HS3ST5: variants seen among roughly 807,000 people sequenced by gnomAD.
HS3ST5 encodes heparan sulfate-glucosamine 3-sulfotransferase 5.
A neutral mutation model predicts 25.4 loss-of-function variants in HS3ST5; 10 were observed. That is an observed-to-expected ratio of 0.39 (90% CI 0.24 to 0.67). The LOEUF (loss-of-function observed/expected upper bound fraction) is 0.67, where lower values mean the gene tolerates loss of function less well. HS3ST5 is among the 30% of genes least tolerant of loss of function. The pLI is 0.44. For synonymous variants in HS3ST5, 170 were observed against 162.4 expected (o/e 1.05, Z -0.36); for missense variants, 324 against 420.7 (o/e 0.77, Z 2.01).
intron 2 of HS3ST5, among the ~76,000 whole-genome samples, chr6:114,189,114 A>G (rs1780369496): frequency 6.6e-6 from 1 of 152,092 alleles, no homozygotes; most frequent in Non-Finnish European, 1.5e-5. Context: ...AAATTTTCTG[A>G]ATCTTATGTA....
At chr6:114,139,508 T>G (rs1489748819) in intron 3 of HS3ST5, among the ~76,000 whole-genome samples, 1 of 152,198 alleles carries the variant, frequency 6.6e-6, no homozygotes. Flanking sequence ...TGAATAGCGC[T>G]GGAAACATAG....
chr6:114,250,748 G>A (rs1244341266), intron 1 of HS3ST5, among the ~76,000 whole-genome samples: 1 of 152,138 alleles, frequency 6.6e-6, no homozygotes, highest in African/African-American at 2.4e-5. Flanking sequence ...AGCTATAACT[G>A]TATTCCAGAT....
intron 3 of HS3ST5, among the ~76,000 whole-genome samples, chr6:114,155,507 C>T (rs1046285863): frequency 1.3e-5 from 2 of 152,164 alleles, no homozygotes; most frequent in African/African-American, 4.8e-5. Flanking sequence ...GTTTTGAATC[C>T]AGGTCTTGTT....
intron 3 of HS3ST5, among the ~76,000 whole-genome samples, chr6:114,149,467 AAACT>A (rs1778344725): frequency 1.3e-5 from 2 of 152,188 alleles, no homozygotes; most frequent in African/African-American, 2.4e-5. Flanking sequence ...CATTTTCAGC[AAACT>A]AACACAGGAA....
intron 2 of HS3ST5, among the ~76,000 whole-genome samples, chr6:114,180,501 A>G (rs1345680915): frequency 6.6e-6 from 1 of 152,084 alleles, no homozygotes; most frequent in Non-Finnish European, 1.5e-5. Flanking sequence ...CACCAGTGGT[A>G]GCTAGGGGCT....
intron 3 of HS3ST5, among the ~76,000 whole-genome samples, chr6:114,156,452 T>A (rs1048002982): frequency 1.3e-5 from 2 of 152,212 alleles, no homozygotes; most frequent in Non-Finnish European, 2.9e-5. Flanking sequence ...GTGCTTAAGT[T>A]TAAAAATATG....
intron 3 of HS3ST5, among the ~76,000 whole-genome samples, chr6:114,134,271 TG>T (rs1473108845): frequency 2.0e-5 from 3 of 152,094 alleles, no homozygotes; most frequent in African/African-American, 7.2e-5. Context: ...GAGGAGCGTA[TG>T]ATTATTGCCA....
At chr6:114,076,023 G>C (rs1184281210) in intron 3 of HS3ST5, among the ~76,000 whole-genome samples, 2 of 152,168 alleles carry the variant, frequency 1.3e-5, no homozygotes, top group Non-Finnish European at 2.9e-5. Context: ...CATGCCCCCA[G>C]AAGAAAGGGT....
At chr6:114,194,424 GTTGTAGTCTCT>G (rs1562233457) in intron 2 of HS3ST5, among the ~76,000 whole-genome samples, 1 of 152,132 alleles carries the variant, frequency 6.6e-6, no homozygotes, top group African/African-American at 2.4e-5. Context: ...ACTTTGTCAC[GTTGTAGTCTCT>G]TTGTTAACTG....
intron 1 of HS3ST5, among the ~76,000 whole-genome samples, chr6:114,257,928 T>G (rs529000000): frequency 6.6e-6 from 1 of 151,964 alleles, no homozygotes; most frequent in South Asian, 2.1e-4. Context: ...GATAGATAGA[T>G]TGATTGATTG....
rs544402143 is a variant in HS3ST5, at chr6:114,207,287, A to G, written c.-145+21298T>C. On this transcript the variant is annotated intron_variant, in intron 2 of 4. Coordinates refer to ENST00000312719, the MANE Select transcript of HS3ST5 (RefSeq NM_153612.4). ...TTGCTTCCTTCCAAATATTTTCTTAATAAAAAATGTTGAAAAGAAAAGGAG... is the reference window on the plus strand; with the variant it reads ...TTGCTTCCTTCCAAATATTTTCTTAGTAAAAAATGTTGAAAAGAAAAGGAG... 5.3e-5 allele frequency among the ~76,000 whole-genome samples: 8 copies of G among 152,286 alleles called. 1 individual carries two copies. In the South Asian group the frequency reaches 1.7e-3, roughly 32 times the overall value.
intron 1 of HS3ST5, among the ~76,000 whole-genome samples, chr6:114,292,305 C>T (rs1181048575): frequency 6.6e-5 from 10 of 152,098 alleles, no homozygotes; most frequent in Admixed American, 6.5e-4. Flanking sequence ...CTGGTGTGGG[C>T]CTTCTTGCTG....
At chr6:114,152,181 C>G (rs1778485519) in intron 3 of HS3ST5, among the ~76,000 whole-genome samples, 1 of 152,004 alleles carries the variant, frequency 6.6e-6, no homozygotes, top group Non-Finnish European at 1.5e-5. Flanking sequence ...TTCGGCCTCC[C>G]AAAGTGCTGG....
chr6:114,074,188 A>G (rs1773988890), intron 3 of HS3ST5, among the ~76,000 whole-genome samples: 2 of 152,026 alleles, frequency 1.3e-5, no homozygotes, highest in Admixed American at 1.3e-4. Context: ...AGAAATACCT[A>G]GTGTAAATGA....
chr6:114,320,305 A>C (rs1775913060), intron 1 of HS3ST5, among the ~76,000 whole-genome samples: 2 of 152,098 alleles, frequency 1.3e-5, no homozygotes, highest in South Asian at 4.1e-4. Flanking sequence ...CTAATTTCTA[A>C]ACTTAGACTC....
intron 1 of HS3ST5, chr6:114,340,432 A>G (rs1171539838): frequency 6.6e-6 from 1 of 152,178 alleles, no homozygotes; most frequent in Non-Finnish European, 1.5e-5. Flanking sequence ...TTTCTTTTTC[A>G]CTGTTAAAAC....
intron 3 of HS3ST5, among the ~76,000 whole-genome samples, chr6:114,112,140 G>A (rs1267281708): frequency 2.0e-5 from 3 of 152,198 alleles, no homozygotes; most frequent in East Asian, 1.9e-4. Flanking sequence ...AAGATGCCAC[G>A]AGCTAATCCC....
At chr6:114,319,652 T>C (rs996162891) in intron 1 of HS3ST5, among the ~76,000 whole-genome samples, 1 of 152,162 alleles carries the variant, frequency 6.6e-6, no homozygotes, top group Admixed American at 6.6e-5. Context: ...TTGGAAACCA[T>C]TTCATATTTT....
At chr6:114,114,448 C>A (rs965907966) in intron 3 of HS3ST5, among the ~76,000 whole-genome samples, 2 of 152,118 alleles carry the variant, frequency 1.3e-5, no homozygotes, top group African/African-American at 4.8e-5. Context: ...AACTTTTCAA[C>A]AGAGTCTTAG....
Sources: allele counts gnomAD v4.1 joint callset (sites outside exome capture counted in the v4.1 genomes callset), GRCh38; gene constraint gnomAD v4.1.1; transcripts MANE v1.5; gene names NCBI Gene and HGNC (gene_info 2026-07-23, HGNC 2026-07-21).